XXYLT1: variants seen among roughly 807,000 people sequenced by gnomAD.
The protein encoded by XXYLT1 is UDP-xylose:alpha-xyloside alpha-1,3-xylosyltransferase.
A neutral mutation model predicts 28.9 loss-of-function variants in XXYLT1; 20 were observed. That is an observed-to-expected ratio of 0.69 (90% CI 0.49 to 1.00). XXYLT1 has a LOEUF of 1.00. Ranked by LOEUF, XXYLT1 falls within the 50% of genes least tolerant of loss-of-function variation. The probability of loss-of-function intolerance (pLI) is 0.00; values close to 1 mark genes in which losing one functional copy is unlikely to be tolerated. For missense variants in XXYLT1, 542 were observed against 560.1 expected, an observed-to-expected ratio of 0.97 and a Z score of 0.33; for synonymous variants, 257 against 253.8, an observed-to-expected ratio of 1.01 and a Z score of -0.12.
chr3:195,159,340 T>A (rs191688143), intron 2 of XXYLT1, among the ~76,000 whole-genome samples: 3 of 152,274 alleles, frequency 2.0e-5, no homozygotes, highest in East Asian at 3.9e-4. Flanking sequence ...GAGAGACTTG[T>A]CAGGCATTAC....
At chr3:195,196,714 T>C (rs1351475886) in intron 2 of XXYLT1, among the ~76,000 whole-genome samples, 6 of 152,176 alleles carry the variant, frequency 3.9e-5, no homozygotes, top group Admixed American at 3.9e-4. Flanking sequence ...CCCAACCGTG[T>C]AAAAGCAAAT....
At chr3:195,244,108 T>C (rs569493066) in intron 1 of XXYLT1, among the ~76,000 whole-genome samples, 14 of 152,328 alleles carry the variant, frequency 9.2e-5, no homozygotes, top group Non-Finnish European at 1.5e-4. Context: ...TAACCAGACC[T>C]GCAATGAACG....
At chr3:195,187,343 G>A (rs894453131) in intron 2 of XXYLT1, among the ~76,000 whole-genome samples, 5 of 152,002 alleles carry the variant, frequency 3.3e-5, no homozygotes, top group South Asian at 2.1e-4. Context: ...GATTAAAGGC[G>A]TGAGCCACCA....
At chr3:195,165,102 C>T (rs570990663) in intron 2 of XXYLT1, among the ~76,000 whole-genome samples, 5 of 152,222 alleles carry the variant, frequency 3.3e-5, no homozygotes, top group East Asian at 3.9e-4. Flanking sequence ...CTACCTCTTT[C>T]GTGTCTCTAA....
chr3:195,206,762 T>C (rs1442129550), intron 2 of XXYLT1, among the ~76,000 whole-genome samples: 1 of 150,382 alleles, frequency 6.6e-6, no homozygotes. Flanking sequence ...CAAGACTCCG[T>C]CTCAAAAAAA....
At chr3:195,270,494 C>G (rs1725985809) in intron 1 of XXYLT1, 61 bp downstream of exon 1, 2 of 1,349,126 alleles carry the variant, frequency 1.5e-6, no homozygotes, top group Non-Finnish European at 1.9e-6. Context: ...GGAGCGCAAA[C>G]TGACCTCGCC....
At chr3:195,099,236 T>C (rs1716628532) in intron 3 of XXYLT1, among the ~76,000 whole-genome samples, 1 of 152,146 alleles carries the variant, frequency 6.6e-6, no homozygotes, top group Non-Finnish European at 1.5e-5. Context: ...TAAATAAACG[T>C]GCTCAGCTTC....
intron 1 of XXYLT1, among the ~76,000 whole-genome samples, chr3:195,267,961 C>A (rs916894981): frequency 6.6e-6 from 1 of 152,128 alleles, no homozygotes; most frequent in Admixed American, 6.5e-5. Flanking sequence ...CTTTTCATCA[C>A]AAACAGAAAA....
chr3:195,244,763 A>G (rs1253085585), intron 1 of XXYLT1, among the ~76,000 whole-genome samples: 1 of 145,060 alleles, frequency 6.9e-6, no homozygotes, highest in African/African-American at 2.6e-5. Flanking sequence ...CTCTGTCTCA[A>G]AAAAAAAAAA....
rs201214126 is a variant in XXYLT1 at position 195,075,208 on chromosome 3, C to T, written c.786-5097G>A. Among the ~76,000 whole-genome samples, 9 of 152,302 alleles carry T rather than the reference C, an allele frequency of 5.9e-5. No homozygotes were observed. The East Asian group carries it at 1.7e-3, about 29-fold the overall frequency. ...CAGAGGTTGCAGTGAGTTGAGATTG[C>T]ACCATTGCACTCCAGCCTGGGCAAC... On this transcript the variant is annotated intron_variant, in intron 3 of 3. Coordinates refer to ENST00000310380, the MANE Select transcript of XXYLT1 (RefSeq NM_152531.5).
In XXYLT1 at chr3:195,216,611, G is replaced by C. The variant is rs1326137926; in HGVS notation, c.652+10098C>G. 6.0e-5 allele frequency among the ~76,000 whole-genome samples: 9 copies of C among 149,060 alleles called. No homozygotes were observed. In the East Asian group the frequency reaches 1.8e-3, roughly 30 times the overall value. On this transcript the variant is annotated intron_variant, in intron 2 of 3. Transcript: ENST00000310380. ...CATACACTCTCCCAAGACTAAACCA[G>C]GAAGAAGTTGAATCTCTGAATAGAC...
At chr3:195,190,733 A>G (rs1722387307) in intron 2 of XXYLT1, among the ~76,000 whole-genome samples, 1 of 152,118 alleles carries the variant, frequency 6.6e-6, no homozygotes, top group Admixed American at 6.5e-5. Flanking sequence ...GTATATAAAC[A>G]TAATAAATAT....
At chr3:195,230,143 G>A (rs1453020801) in intron 1 of XXYLT1, among the ~76,000 whole-genome samples, 1 of 152,166 alleles carries the variant, frequency 6.6e-6, no homozygotes, top group Non-Finnish European at 1.5e-5. Context: ...ATGATGTTGA[G>A]CACCTTTTCA....
chr3:195,104,575 T>C (rs990122027), intron 3 of XXYLT1, among the ~76,000 whole-genome samples: 3 of 151,876 alleles, frequency 2.0e-5, no homozygotes, highest in African/African-American at 7.3e-5. Flanking sequence ...AGCAAGGCAG[T>C]GGGGACGAGG....
intron 2 of XXYLT1, among the ~76,000 whole-genome samples, chr3:195,178,010 T>C (rs560739838): frequency 1.3e-5 from 2 of 151,404 alleles, no homozygotes; most frequent in African/African-American, 4.9e-5. Context: ...CAAGGGTATA[T>C]AAGTTTGTCA....
At chr3:195,122,444 G>A (rs1718409809) in intron 3 of XXYLT1, among the ~76,000 whole-genome samples, 1 of 152,040 alleles carries the variant, frequency 6.6e-6, no homozygotes, top group Non-Finnish European at 1.5e-5. Context: ...CAGCAGTACT[G>A]AGTAGTACTA....
At position 195,180,419 on chromosome 3, in the gene XXYLT1, C is replaced by T. The variant is rs748932604; in HGVS notation, c.653-23838G>A. The T allele has an allele frequency of 1.6e-5, 16 of 985,782 alleles. No homozygotes were observed. The East Asian group carries it at 7.9e-4, about 49-fold the overall frequency. 61.1% of individuals were successfully genotyped at this position (985,782 alleles called of 1,614,324 possible). The stretch of plus-strand genomic sequence containing the variant: ...CTTCGGCTGCAGCCTCGCCGATTCC[C>T]GAGCTGTTTCCTGCTGCTTTTCTCA... On this transcript the variant is annotated intron_variant, in intron 2 of 3. Transcript: ENST00000310380. This position sits in a 1 kb window ranked among gnomAD's most constrained non-coding sequence, Gnocchi z 5.8.
intron 2 of XXYLT1, among the ~76,000 whole-genome samples, chr3:195,165,780 A>G (rs1024924671): frequency 1.3e-5 from 2 of 152,084 alleles, no homozygotes; most frequent in African/African-American, 4.8e-5. Flanking sequence ...CATCATCGTT[A>G]TATTAGTGCT....
rs1721914526 is a variant in XXYLT1 at position 195,180,816 on chromosome 3, A to G, written c.653-24235T>C. On this transcript the variant is annotated intron_variant, in intron 2 of 3. Transcript: ENST00000310380. This position sits in a 1 kb window ranked among gnomAD's most constrained non-coding sequence, Gnocchi z 5.8. ...GGGAGAAGCTCCAAGGCCTGTCCCT[A>G]GTCCTGCCTCAGGACTTTGCTCGTG... Among the ~76,000 whole-genome samples, 1 of 152,206 alleles carries G rather than the reference A, an allele frequency of 6.6e-6. No individual in the cohort carries two copies. The highest frequency in any genetic ancestry group is 2.1e-4 in the South Asian group (1 of 4,826).
Sources: gnomAD v4.1 joint callset for allele counts (sites outside exome capture counted in the v4.1 genomes callset) on GRCh38, gnomAD v4.1.1 for gene constraint, Gnocchi (gnomAD v3.1) non-coding constraint, MANE v1.5 for transcripts, NCBI Gene and HGNC (gene_info 2026-07-23, HGNC 2026-07-21) for gene names.